TAF3: variants seen among roughly 807,000 people sequenced by gnomAD.
TAF3 encodes TATA-box binding protein associated factor 3.
TAF3 carries 7 observed loss-of-function variants against 80.6 expected under a neutral mutation model. That is an observed-to-expected ratio of 0.09 (90% CI 0.05 to 0.16). The LOEUF is 0.16. Ranked by LOEUF, TAF3 falls within the 10% of genes least tolerant of loss-of-function variation. The pLI is 1.00. For missense variants in TAF3, 921 were observed against 1,140.2 expected, an observed-to-expected ratio of 0.81 and a Z score of 2.77; for synonymous variants, 444 against 446.1, an observed-to-expected ratio of 1.00 and a Z score of 0.06.
Position 7,964,060 on chromosome 10 carries a change from C to T in TAF3, c.550C>T (p.Pro184Ser). Residue 184 changes from proline to serine, a missense_variant, in exon 3 of 7, where the codon CCT (proline) becomes TCT (serine). By Grantham distance (74) the Pro-to-Ser change is moderately conservative. Coordinates refer to ENST00000344293, the MANE Select transcript of TAF3 (RefSeq NM_031923.4). This position sits in a 1 kb window ranked among gnomAD's most constrained non-coding sequence, Gnocchi z 4.1. ...NFLGKRPLDS[P>S]EAEELPAMKR... is the part of the protein sequence containing the mutation. Reference sequence around the variant, plus strand: ...CCTGGGCAAGAGACCACTGGATAGTCCTGAAGCTGAAGAACTGCCAGCCAT... The same window carrying T: ...CCTGGGCAAGAGACCACTGGATAGTTCTGAAGCTGAAGAACTGCCAGCCAT... 1 of 1,614,012 alleles carries T rather than the reference C, an allele frequency of 6.2e-7. No homozygotes were observed. The highest frequency in any genetic ancestry group is 8.5e-7 in the Non-Finnish European group (1 of 1,180,016).
Position 8,014,966 on chromosome 10 carries a change from C to T in TAF3, c.*215C>T. The T allele has an allele frequency of 4.6e-6, 2 of 436,014 alleles. No homozygotes were observed. The highest frequency in any genetic ancestry group is 8.4e-6 in the Non-Finnish European group (2 of 239,512). 27.0% of individuals were successfully genotyped at this position (436,014 alleles called of 1,614,324 possible). A position where few individuals can be genotyped will look rare whatever the true frequency, so the allele number is the denominator to read the frequency against. ...TCCGTGGCAGTGCGACAGAAGGAAA[C>T]TCAAGCAGAGGCGTGGCCTGGGGGC... On this transcript the variant is annotated 3_prime_UTR_variant, in exon 7 of 7. Transcript: ENST00000344293.
At chr10:7,859,684 G>A (rs984436454) in intron 2 of TAF3, among the ~76,000 whole-genome samples, 2 of 152,130 alleles carry the variant, frequency 1.3e-5, no homozygotes, top group African/African-American at 2.4e-5. Flanking sequence ...CTTTTCCGCC[G>A]GGGCATTATG....
At chr10:7,843,114 C>G (rs1305068456) in intron 2 of TAF3, among the ~76,000 whole-genome samples, 1 of 152,076 alleles carries the variant, frequency 6.6e-6, no homozygotes, top group Non-Finnish European at 1.5e-5. Flanking sequence ...CTGCACAGGC[C>G]AGACCTTGTG....
chr10:7,901,882 C>A (rs1286396634), intron 2 of TAF3, among the ~76,000 whole-genome samples: 1 of 151,936 alleles, frequency 6.6e-6, no homozygotes, highest in South Asian at 2.1e-4. Flanking sequence ...TGTTTCCTTC[C>A]TATGTTTTGG....
In TAF3 at chr10:7,849,383, C is replaced by G. The variant is rs17143033; in HGVS notation, c.409+24823C>G. Among the ~76,000 whole-genome samples, 45 of 152,222 alleles carry G rather than the reference C, an allele frequency of 3.0e-4. 1 individual carries two copies. The highest frequency in any genetic ancestry group is 2.1e-3 in the East Asian group (11 of 5,188). Reference sequence around the variant, plus strand: ...GACATCATCCTAAAGGTTCAGTGATCCATAAGGAATATTTGGGATATGTTA... The same window carrying G: ...GACATCATCCTAAAGGTTCAGTGATGCATAAGGAATATTTGGGATATGTTA... On this transcript the variant is annotated intron_variant, in intron 2 of 6. Transcript: ENST00000344293.
At chr10:7,890,192 A>G (rs1242685905) in intron 2 of TAF3, among the ~76,000 whole-genome samples, 1 of 152,058 alleles carries the variant, frequency 6.6e-6, no homozygotes, top group Non-Finnish European at 1.5e-5. Flanking sequence ...CATGGCTCTC[A>G]CCTGCCTGCC....
At chr10:7,827,292 C>G (rs999267235) in intron 2 of TAF3, among the ~76,000 whole-genome samples, 1 of 151,702 alleles carries the variant, frequency 6.6e-6, no homozygotes, top group Non-Finnish European at 1.5e-5. Context: ...GTAATAACAC[C>G]TACCACATTG....
At chr10:7,880,448 A>G in intron 2 of TAF3, among the ~76,000 whole-genome samples, 1 of 152,206 alleles carries the variant, frequency 6.6e-6, no homozygotes, top group East Asian at 1.9e-4. Flanking sequence ...AGAAATATGC[A>G]GCTATCCTGA....
chr10:7,892,754 A>G (rs1325321773), intron 2 of TAF3, among the ~76,000 whole-genome samples: 1 of 151,990 alleles, frequency 6.6e-6, no homozygotes, highest in Non-Finnish European at 1.5e-5. Context: ...CTTTACTTTG[A>G]AATTTCCAAG....
chr10:7,955,822 G>T (rs1350341377), intron 2 of TAF3, among the ~76,000 whole-genome samples: 1 of 152,140 alleles, frequency 6.6e-6, no homozygotes, highest in Admixed American at 6.6e-5. Context: ...GAGAATGTAG[G>T]GAGTGTGGAT....
intron 4 of TAF3, 47 bp downstream of exon 4, chr10:7,977,370 C>T (rs1313086663): frequency 1.3e-6 from 2 of 1,564,820 alleles, no homozygotes; most frequent in Non-Finnish European, 1.8e-6. Context: ...GAAATTTAAC[C>T]TTCTCTACTC....
chr10:7,910,641 A>G (rs1029434419), intron 2 of TAF3, among the ~76,000 whole-genome samples: 2 of 152,164 alleles, frequency 1.3e-5, no homozygotes, highest in African/African-American at 4.8e-5. Context: ...TCGGCCTCCC[A>G]AAGTGCTGGG....
chr10:7,946,255 T>A (rs1007111572), intron 2 of TAF3, among the ~76,000 whole-genome samples: 4 of 152,208 alleles, frequency 2.6e-5, no homozygotes, highest in Non-Finnish European at 5.9e-5. Context: ...CCTTTCCTCT[T>A]GCCTTCACCT....
At chr10:7,958,098 T>G (rs956177625) in intron 2 of TAF3, among the ~76,000 whole-genome samples, 3 of 152,194 alleles carry the variant, frequency 2.0e-5, no homozygotes, top group Admixed American at 1.3e-4. Context: ...CAAAGAATAC[T>G]TTGTTGCCAT....
At chr10:7,950,202 G>A (rs1178174378) in intron 2 of TAF3, among the ~76,000 whole-genome samples, 1 of 152,192 alleles carries the variant, frequency 6.6e-6, no homozygotes, top group Non-Finnish European at 1.5e-5. Context: ...TTTTGGGGAT[G>A]TAGAATGACC....
chr10:7,983,982 A>C (rs1172963003), intron 4 of TAF3, among the ~76,000 whole-genome samples: 1 of 152,228 alleles, frequency 6.6e-6, no homozygotes, highest in Non-Finnish European at 1.5e-5. Context: ...TTTTCAAATG[A>C]CCTATTTTTA....
chr10:7,965,560 G>A lies in TAF3; in HGVS notation c.2050G>A (p.Val684Met), dbSNP rs769918295. Residue 684 changes from valine to methionine, a missense_variant, in exon 3 of 7, where the codon GTG (valine) becomes ATG (methionine). Val to Met is a conservative substitution (Grantham distance 21). Transcript: ENST00000344293. ...VPAMLPSLLP[V>M]LPEKLFEEKE... Reference sequence around the variant, plus strand: ...AGCCATGCTGCCATCTTTGTTGCCAGTGCTTCCGGAAAAACTGTTTGAGGA... The same window carrying A: ...AGCCATGCTGCCATCTTTGTTGCCAATGCTTCCGGAAAAACTGTTTGAGGA... 2 of 1,599,938 alleles carry A rather than the reference G, an allele frequency of 1.3e-6. No homozygotes were observed. Among genetic ancestry groups the A allele is most frequent in the Admixed American group, 1.8e-5 (1 of 56,214 alleles).
chr10:7,872,791 A>G (rs1837279333), intron 2 of TAF3, among the ~76,000 whole-genome samples: 1 of 152,196 alleles, frequency 6.6e-6, no homozygotes, highest in Non-Finnish European at 1.5e-5. Context: ...TCAAACTACT[A>G]AAATAGTATT....
intron 2 of TAF3, among the ~76,000 whole-genome samples, chr10:7,861,204 T>C (rs1435284192): frequency 1.3e-5 from 2 of 152,170 alleles, no homozygotes; most frequent in Non-Finnish European, 2.9e-5. Context: ...GACCTCGTGA[T>C]CCGCCCGTCT....
Sources: gnomAD v4.1 joint callset for allele counts (sites outside exome capture counted in the v4.1 genomes callset) on GRCh38, gnomAD v4.1.1 for gene constraint, Gnocchi (gnomAD v3.1) non-coding constraint, MANE v1.5 for transcripts, NCBI Gene and HGNC (gene_info 2026-07-23, HGNC 2026-07-21) for gene names.